The following DUOX1 variants were observed in gnomAD, a reference collection of about 807,000 sequenced individuals.
DUOX1 encodes the protein NADPH thyroid oxidase 1.
A neutral mutation model predicts 181.8 loss-of-function variants in DUOX1; 134 were observed. The ratio of observed to expected loss-of-function variants is 0.74; its 90% CI spans 0.64 to 0.85. The LOEUF is 0.85. Ranked by LOEUF, DUOX1 falls within the 40% of genes least tolerant of loss-of-function variation. The pLI is 0.00. For synonymous variants in DUOX1, 798 were observed against 832.5 expected, an observed-to-expected ratio of 0.96 and a Z score of 0.71; for missense variants, 1,814 against 2,064.4, an observed-to-expected ratio of 0.88 and a Z score of 2.35.
chr15:45,138,323 T>C (rs1347895377), intron 10 of DUOX1, among the ~76,000 whole-genome samples: 2 of 152,154 alleles, frequency 1.3e-5, no homozygotes, highest in African/African-American at 4.8e-5. Context: ...TTGCTCCCTC[T>C]CACGTTTTCC....
chr15:45,162,153 C>G, intron 30 of DUOX1, 66 bp from the exon 31 acceptor site: 2 of 1,560,988 alleles, frequency 1.3e-6, no homozygotes, highest in South Asian at 1.2e-5. Flanking sequence ...TTCCTTTTCT[C>G]TCATTTCTGG....
intron 2 of DUOX1, among the ~76,000 whole-genome samples, chr15:45,133,033 T>C (rs1896193801): frequency 2.0e-5 from 3 of 152,200 alleles, no homozygotes; most frequent in Admixed American, 2.0e-4. Context: ...CCCAGGCCTA[T>C]AGACTCCTAG....
chr15:45,152,666 C>T (rs1049887795), intron 25 of DUOX1, 150 bp downstream of exon 25: 13 of 762,132 alleles, frequency 1.7e-5, no homozygotes, highest in Middle Eastern at 5.0e-4. Context: ...GTGAAGTAAG[C>T]CCGGGAGCCT....
chr15:45,151,186 G>C lies in DUOX1; in HGVS notation c.2952G>C (p.Gln984His). The change falls in exon 23 of 34, where the codon CAG becomes CAC. Residue 984 changes from glutamine (Q) to histidine (H), a missense_variant. Physicochemically the swap from Gln to His is conservative, Grantham distance 24. Around this residue, in one of 5 missense-constraint regions of DUOX1, gnomAD observed 1,064 missense variants for 1,152.9 expected, o/e 0.92. Coordinates refer to ENST00000389037, the MANE Select transcript of DUOX1 (RefSeq NM_175940.3). ...ACATTGAGACTGAGTTGACACCTCA[G>C]AGACTGCAGTGCCCCATGGACACAG... The part of the protein sequence containing the change: ...RSDIETELTP[Q>H]RLQCPMDTDP... 1.9e-6 allele frequency: 3 copies of C among 1,614,222 alleles called. No homozygotes were observed. The highest frequency in any genetic ancestry group is 2.5e-6 in the Non-Finnish European group (3 of 1,180,046).
intron 7 of DUOX1, among the ~76,000 whole-genome samples, 161 bp downstream of exon 7, chr15:45,136,109 G>A (rs191861600): frequency 7.2e-5 from 11 of 152,174 alleles, no homozygotes; most frequent in African/African-American, 1.2e-4. Flanking sequence ...AGGGAGGCAC[G>A]CGCTGTTTAT....
chr15:45,162,847 G>A (rs992859944), intron 31 of DUOX1, among the ~76,000 whole-genome samples: 2 of 135,300 alleles, frequency 1.5e-5, no homozygotes, highest in East Asian at 5.6e-4. Flanking sequence ...TTGGCCCCAG[G>A]AACACAGCTC....
intron 27 of DUOX1, chr15:45,155,588 AAT>A: frequency 3.3e-6 from 2 of 609,076 alleles, no homozygotes; most frequent in Non-Finnish European, 5.4e-6. Context: ...AAAAAAAAAA[AAT>A]CATGGTGACA....
intron 29 of DUOX1, 42 bp from the exon 30 acceptor site, chr15:45,161,696 T>C: frequency 6.3e-7 from 1 of 1,585,810 alleles, no homozygotes; most frequent in South Asian, 1.1e-5. Context: ...ACATTGTTGC[T>C]GGGTTCAGGG....
chr15:45,147,642 G>T lies in DUOX1; in HGVS notation c.2532G>T (p.Leu844=). The T allele has an allele frequency of 6.2e-7, 1 of 1,614,200 alleles. No homozygotes were observed. Among genetic ancestry groups the T allele is most frequent in the Admixed American group, 1.7e-5 (1 of 60,026 alleles). Residue 844 remains leucine (L), a synonymous_variant, in exon 19 of 34, where the codon CTG becomes CTT. Coordinates refer to ENST00000389037, the MANE Select transcript of DUOX1 (RefSeq NM_175940.3). ...YLSFREFLDI[L]VVFMKGSPEE... is the part of the protein sequence containing the mutation. ...CCTTCCGAGAGTTCCTGGACATCCT[G>T]GTGGTCTTCATGAAAGGTGAGGGAG...
chr15:45,164,465 CTT>C (rs367822535), intron 33 of DUOX1, among the ~76,000 whole-genome samples: 41 of 141,578 alleles, frequency 2.9e-4, no homozygotes, highest in Non-Finnish European at 2.2e-4. Context: ...GCACTGCTGG[CTT>C]TTTTTTTTTT....
intron 4 of DUOX1, 146 bp from the exon 5 acceptor site, chr15:45,134,958 G>C (rs570169350): frequency 1.2e-6 from 1 of 810,198 alleles, no homozygotes; most frequent in African/African-American, 1.8e-5. Context: ...AACTGGGAGG[G>C]AGTGCCTAAG....
chr15:45,162,958 G>C (rs1897144968), intron 31 of DUOX1, among the ~76,000 whole-genome samples: 1 of 152,220 alleles, frequency 6.6e-6, no homozygotes, highest in African/African-American at 2.4e-5. Context: ...AGGGGTGCTG[G>C]AATGCAGTGG....
intron 22 of DUOX1, 62 bp downstream of exon 22, chr15:45,150,763 A>ATCCCAGCCATTCAGGGG: frequency 6.5e-7 from 1 of 1,530,310 alleles, no homozygotes; most frequent in Non-Finnish European, 9.0e-7. Context: ...CTCTCCCCTG[A>ATCCCAGCCATTCAGGGG]ATGGCTGGGA....
intron 14 of DUOX1, 54 bp downstream of exon 14, chr15:45,141,464 T>C: frequency 6.4e-7 from 1 of 1,566,286 alleles, no homozygotes; most frequent in Non-Finnish European, 8.8e-7. Context: ...CTCGTCCCTC[T>C]TCAGCTCTGG....
Position 45,164,901 on chromosome 15 carries a change from G to C in DUOX1, c.4656G>C (p.Ter1552TyrextTer12), listed in dbSNP as rs1156356198. 7 of 1,613,978 alleles carry C rather than the reference G, an allele frequency of 4.3e-6. No homozygotes were observed. The highest frequency in any genetic ancestry group is 5.1e-6 in the Non-Finnish European group (6 of 1,179,998). Residue 1552 changes from the stop codon to tyrosine, a stop_lost, in exon 34 of 34, where the codon TAG becomes TAC. Transcript: ENST00000389037. ...THFSHHYENF[*>Y] ...TCTCCCACCATTATGAGAACTTCTA[G>C]GCCCCTGCCCGGGGGTTCTGCCCAC... is the stretch of plus-strand genomic sequence containing the variant.
At chr15:45,141,800 G>C in intron 14 of DUOX1, 175 bp from the exon 15 acceptor site, 1 of 628,284 alleles carries the variant, frequency 1.6e-6, no homozygotes, top group South Asian at 2.0e-5. Context: ...CTGTGTGTGA[G>C]GGAGAGATGG....
chr15:45,144,069 G>A lies in DUOX1; in HGVS notation c.1970G>A (p.Arg657Gln), dbSNP rs775763461. 2.7e-5 allele frequency: 43 copies of A among 1,613,882 alleles called. 1 individual carries two copies. In the South Asian group the frequency reaches 3.7e-4, roughly 14 times the overall value. The stretch of plus-strand genomic sequence containing the variant: ...TGGCAAGGCCACAAGGAGCCCTGCC[G>A]GCCCGTGCTTGTGTACCTGCAGCCC... Reference protein sequence around the residue: ...LEWQGHKEPCRPVLVYLQPGQ... With the variant: ...LEWQGHKEPCQPVLVYLQPGQ... Residue 657 changes from arginine to glutamine, a missense_variant, in exon 17 of 34, where the codon CGG becomes CAG. Coordinates refer to ENST00000389037, the MANE Select transcript of DUOX1 (RefSeq NM_175940.3).
Position 45,160,347 on chromosome 15 carries a change from A to G in DUOX1, c.3703-490A>G, listed in dbSNP as rs1897067552. Among the ~76,000 whole-genome samples the G allele has an allele frequency of 2.6e-5, 4 of 152,214 alleles. No individual in the cohort carries two copies. In the South Asian group the frequency reaches 6.2e-4, roughly 24 times the overall value. On this transcript the variant is annotated intron_variant, in intron 28 of 33. Transcript: ENST00000389037. ...CAGGCAGGAGATGCAAAGATCCTTA[A>G]GCAGAAAGGACTGGCCGTGTTTGAG...
At chr15:45,158,125 G>A (rs1648317) in intron 28 of DUOX1, among the ~76,000 whole-genome samples, 64,147 of 152,046 alleles carry the variant, frequency 0.42, 15,426 homozygotes, top group Non-Finnish European at 0.56. Context: ...CAGCCAACAA[G>A]GAATCTGCAG....
Sources: allele counts gnomAD v4.1 joint callset (sites outside exome capture counted in the v4.1 genomes callset), GRCh38; gene constraint gnomAD v4.1.1; regional missense constraint gnomAD v4.1.1; transcripts MANE v1.5; gene names NCBI Gene and HGNC (gene_info 2026-07-23, HGNC 2026-07-21).